Variants in STARD13 observed in about 807,000 individuals in gnomAD.
STARD13 encodes the protein stAR-related lipid transfer protein 13.
Under a neutral mutation model 106.4 loss-of-function variants are expected in STARD13, and 62 were observed. The observed-to-expected ratio is 0.58, with a 90% CI of 0.48 to 0.72. The LOEUF (loss-of-function observed/expected upper bound fraction) is 0.72. Ranked by LOEUF, STARD13 falls within the 30% of genes least tolerant of loss-of-function variation. STARD13 has a pLI of 0.00. For synonymous variants in STARD13, 565 were observed against 553.0 expected (o/e 1.02, Z -0.31); for missense variants, 1,387 against 1,424.0 (o/e 0.97, Z 0.42).
chr13:33,109,903 G>A lies in STARD13; in HGVS notation c.3017C>T (p.Pro1006Leu), dbSNP rs377530803. 1.2e-4 allele frequency: 189 copies of A among 1,614,124 alleles called. No individual in the cohort carries two copies. Among genetic ancestry groups the A allele is most frequent in the Non-Finnish European group, 1.5e-4 (180 of 1,180,058 alleles). ...AACCACAAAGTCTCTGGAAGGATGGGGAGCCATGCTGTTCAGCACATACTG... is the reference window on the plus strand; with the variant it reads ...AACCACAAAGTCTCTGGAAGGATGGAGAGCCATGCTGTTCAGCACATACTG... ...IYQYVLNSMA[P>L]HPSRDFVVLR... Residue 1006 changes from proline to leucine, a missense_variant, in exon 12 of 14, where the codon CCC (proline) becomes CTC (leucine). Physicochemically the swap from Pro to Leu is moderately conservative, Grantham distance 98. Transcript: ENST00000336934.
At chr13:33,196,745 G>A (rs561042371) in intron 1 of STARD13, among the ~76,000 whole-genome samples, 2 of 152,304 alleles carry the variant, frequency 1.3e-5, no homozygotes, top group Admixed American at 1.3e-4. Flanking sequence ...TACCAGCAAT[G>A]AGTAGCCAAC....
chr13:33,577,591 C>G, the STARD13 span, among the ~76,000 whole-genome samples: 2 of 152,108 alleles, frequency 1.3e-5, no homozygotes, highest in East Asian at 3.8e-4. Flanking sequence ...GTCAACTGAT[C>G]TTTGACAAGA....
the STARD13 span, among the ~76,000 whole-genome samples, chr13:33,382,402 C>T: frequency 4.6e-5 from 7 of 152,206 alleles, no homozygotes; most frequent in Admixed American, 1.3e-4. Context: ...CTGGGCAGAT[C>T]GCTGATATCA....
chr13:33,469,105 A>G, the STARD13 span, among the ~76,000 whole-genome samples: 3 of 152,228 alleles, frequency 2.0e-5, no homozygotes, highest in South Asian at 4.1e-4. Context: ...CTTACTATGC[A>G]TCAAGCACTG....
intron 10 of STARD13, 89 bp downstream of exon 10, chr13:33,111,689 A>G (rs1874591344): frequency 1.2e-6 from 1 of 809,984 alleles, no homozygotes; most frequent in South Asian, 1.5e-5. Flanking sequence ...GAACAAACAG[A>G]TAGAAACCAT....
At chr13:33,538,009 T>A in the STARD13 span, among the ~76,000 whole-genome samples, 1 of 152,104 alleles carries the variant, frequency 6.6e-6, no homozygotes, top group Admixed American at 6.6e-5. Context: ...AGACGGAAAG[T>A]CACTTCCATG....
chr13:33,317,550 C>G (rs1189744721), intron 1 of STARD13, among the ~76,000 whole-genome samples: 1 of 152,178 alleles, frequency 6.6e-6, no homozygotes. Context: ...TCCCCCTGAT[C>G]TAAGAGGCCA....
chr13:33,415,673 A>G, the STARD13 span, among the ~76,000 whole-genome samples: 1 of 152,086 alleles, frequency 6.6e-6, no homozygotes, highest in Non-Finnish European at 1.5e-5. Context: ...ATCGTTGTGT[A>G]TAATGCTGGT....
chr13:33,309,918 G>C (rs574949727), intron 1 of STARD13, among the ~76,000 whole-genome samples: 1 of 152,232 alleles, frequency 6.6e-6, no homozygotes, highest in African/African-American at 2.4e-5. Flanking sequence ...CCTTCATATG[G>C]AATCACATTT....
intron 1 of STARD13, among the ~76,000 whole-genome samples, chr13:33,207,511 T>C (rs1887486639): frequency 6.6e-6 from 1 of 152,172 alleles, no homozygotes; most frequent in South Asian, 2.1e-4. Flanking sequence ...AGGTTGAGAG[T>C]GCCTGTGTGT....
the STARD13 span, among the ~76,000 whole-genome samples, chr13:33,516,482 T>TC: frequency 6.6e-6 from 1 of 152,046 alleles, no homozygotes; most frequent in Non-Finnish European, 1.5e-5. Context: ...CAAATAAATC[T>TC]TCCTTTGCCA....
At chr13:33,258,438 C>G (rs371572568) in intron 1 of STARD13, among the ~76,000 whole-genome samples, 1 of 150,752 alleles carries the variant, frequency 6.6e-6, no homozygotes, top group East Asian at 1.9e-4. Context: ...CAGAAACACA[C>G]AAGACACCAT....
chr13:33,264,397 C>T (rs979285269), intron 1 of STARD13, among the ~76,000 whole-genome samples: 1 of 152,216 alleles, frequency 6.6e-6, no homozygotes, highest in Admixed American at 6.5e-5. Context: ...AAACAATGTG[C>T]TCCCTGAGGA....
chr13:33,495,089 C>G, the STARD13 span, among the ~76,000 whole-genome samples: 1 of 152,144 alleles, frequency 6.6e-6, no homozygotes, highest in Non-Finnish European at 1.5e-5. Context: ...GCTTGTCTGT[C>G]AAGTATAGTA....
chr13:33,208,004 T>C (rs1566074648), intron 1 of STARD13, among the ~76,000 whole-genome samples: 1 of 152,186 alleles, frequency 6.6e-6, no homozygotes, highest in Non-Finnish European at 1.5e-5. Flanking sequence ...ATGTGTGTGA[T>C]CTCTTCTCCC....
chr13:33,665,735 T>G, the STARD13 span, among the ~76,000 whole-genome samples: 3 of 152,340 alleles, frequency 2.0e-5, no homozygotes, highest in East Asian at 5.8e-4. Context: ...ACTGAAAGCT[T>G]TCTGGCTTTC....
At chr13:33,259,933 T>C (rs1045698749) in intron 1 of STARD13, among the ~76,000 whole-genome samples, 1 of 148,182 alleles carries the variant, frequency 6.7e-6, no homozygotes, top group African/African-American at 2.5e-5. Flanking sequence ...GAGGTGGAAG[T>C]TGCAGTGAGC....
chr13:33,263,778 G>A (rs1890759358), intron 1 of STARD13, among the ~76,000 whole-genome samples: 1 of 152,164 alleles, frequency 6.6e-6, no homozygotes, highest in Non-Finnish European at 1.5e-5. Flanking sequence ...AATCAGTTAG[G>A]TGCCAGCCAC....
chr13:33,128,407 T>C (rs923113428), intron 5 of STARD13, among the ~76,000 whole-genome samples: 1 of 152,202 alleles, frequency 6.6e-6, no homozygotes, highest in Non-Finnish European at 1.5e-5. Flanking sequence ...GGGCCATTTT[T>C]CTATGGTGCT....
Sources: allele counts gnomAD v4.1 joint callset (sites outside exome capture counted in the v4.1 genomes callset), GRCh38; gene constraint gnomAD v4.1.1; transcripts MANE v1.5; gene names NCBI Gene and HGNC (gene_info 2026-07-23, HGNC 2026-07-21).